Variants in ANK2 observed in about 807,000 individuals in gnomAD.
ANK2 encodes the protein ankyrin 2.
ANK2 carries 83 observed loss-of-function variants against 360.5 expected under a neutral mutation model. That is an observed-to-expected ratio of 0.23 (90% confidence interval 0.19 to 0.28). The LOEUF (loss-of-function observed/expected upper bound fraction) is 0.28, where lower values mean the gene tolerates loss of function less well. Among genes scored for constraint, ANK2 ranks in the 10% least tolerant of loss-of-function variants. ANK2 has a pLI of 1.00. For synonymous variants in ANK2, 1,740 were observed against 1,759.5 expected (o/e 0.99, Z 0.28); for missense variants, 4,201 against 4,795.7 (o/e 0.88, Z 3.66).
At chr4:113,052,443 C>T (rs1213939378) in intron 1 of ANK2, among the ~76,000 whole-genome samples, 2 of 152,150 alleles carry the variant, frequency 1.3e-5, no homozygotes, top group Admixed American at 1.3e-4. Context: ...ATGCGTCTAT[C>T]TCTAGTAAAT....
At chr4:113,007,524 C>T (rs983477778) in intron 2 of ANK2, among the ~76,000 whole-genome samples, 2 of 152,116 alleles carry the variant, frequency 1.3e-5, no homozygotes, top group Non-Finnish European at 2.9e-5. Context: ...TTCTCCCCAT[C>T]TCAGAAGAAA....
At chr4:113,323,235 C>T (rs76456008) in intron 26 of ANK2, among the ~76,000 whole-genome samples, 3,279 of 151,882 alleles carry the variant, frequency 0.022, 110 homozygotes, top group African/African-American at 0.075. Flanking sequence ...CTTTTTTTTG[C>T]GATACTCTAG....
At chr4:112,850,266 ATC>A (rs1274158653) in intron 1 of ANK2, among the ~76,000 whole-genome samples, 4 of 123,362 alleles carry the variant, frequency 3.2e-5, no homozygotes, top group Admixed American at 3.0e-4. Flanking sequence ...CTATCTATCT[ATC>A]TATCTATCTA....
At chr4:112,749,226 A>T in the ANK2 span, among the ~76,000 whole-genome samples, 1 of 152,160 alleles carries the variant, frequency 6.6e-6, no homozygotes, top group Non-Finnish European at 1.5e-5. Flanking sequence ...GTCATCTTTG[A>T]TCAAGCATGC....
At position 113,287,713 on chromosome 4, in the gene ANK2, A is replaced by T; in HGVS notation, c.2178+10A>T. The T allele has an allele frequency of 6.3e-7, 1 of 1,592,852 alleles. No homozygotes were observed. Among genetic ancestry groups the T allele is most frequent in the Non-Finnish European group, 8.6e-7 (1 of 1,161,138 alleles). ...GGATGCTCATACAAAGGTAAAGCAA[A>T]TCACTCTCAGTATTGTGACAGGTTC... On this transcript the variant is annotated intron_variant, in intron 19 of 45. Transcript: ENST00000357077.
At chr4:112,744,754 C>T in the ANK2 span, among the ~76,000 whole-genome samples, 1 of 152,324 alleles carries the variant, frequency 6.6e-6, no homozygotes, top group Middle Eastern at 3.4e-3. Flanking sequence ...AATTTGTATT[C>T]CCACTTACAG....
chr4:113,357,103 G>A lies in ANK2; in HGVS notation c.8485G>A (p.Val2829Ile). ...EKDTEGEELD[V>I]SRAESPQADC... Reference sequence around the variant, plus strand: ...AGACACAGAGGGAGAAGAGCTTGATGTTTCTAGAGCAGAATCTCCACAAGC... The same window carrying A: ...AGACACAGAGGGAGAAGAGCTTGATATTTCTAGAGCAGAATCTCCACAAGC... The change falls in exon 38 of 46, where the codon GTT becomes ATT. Residue 2829 changes from valine to isoleucine, a missense_variant. Val to Ile is a conservative substitution (Grantham distance 29, BLOSUM62 3). Transcript: ENST00000357077. The A allele has an allele frequency of 1.9e-6, 3 of 1,614,070 alleles. No individual in the cohort carries two copies. The highest frequency in any genetic ancestry group is 8.5e-7 in the Non-Finnish European group (1 of 1,179,968).
intron 4 of ANK2, among the ~76,000 whole-genome samples, chr4:113,224,740 A>G (rs1466563259): frequency 6.6e-6 from 1 of 152,188 alleles, no homozygotes; most frequent in African/African-American, 2.4e-5. Flanking sequence ...TATTTTAGAG[A>G]ATGTGAATTA....
At chr4:112,788,667 T>C in the ANK2 span, 8 of 1,601,026 alleles carry the variant, frequency 5.0e-6, no homozygotes, top group African/African-American at 1.3e-5. Context: ...CAGCCGCTTA[T>C]AGAGGATGGC....
rs946046079 is a variant in ANK2, at chr4:112,820,921, A to T, written c.-40+2657A>T. On this transcript the variant is annotated intron_variant, in intron 1 of 30. Coordinates refer to the ANK2 transcript ENST00000503271. ...CGGGATAATTTTTATTTATTTATTT[A>T]TTTTTTTGAGACCGAGTTTCACTCT... Among the ~76,000 whole-genome samples, 11 of 151,386 alleles carry T rather than the reference A, an allele frequency of 7.3e-5. No homozygotes were observed. In the East Asian group the frequency reaches 1.6e-3, roughly 22 times the overall value.
chr4:112,843,996 C>T (rs1314764815), intron 1 of ANK2, among the ~76,000 whole-genome samples: 1 of 152,062 alleles, frequency 6.6e-6, no homozygotes, highest in African/African-American at 2.4e-5. Flanking sequence ...TATATGCATA[C>T]AACAATTTTG....
At chr4:112,935,618 G>T (rs561246948) in intron 2 of ANK2, among the ~76,000 whole-genome samples, 1 of 149,716 alleles carries the variant, frequency 6.7e-6, no homozygotes, top group Admixed American at 6.6e-5. Flanking sequence ...GAGGCAGGTG[G>T]ATTGCTTTAG....
intron 1 of ANK2, among the ~76,000 whole-genome samples, chr4:113,116,657 A>G (rs1386276892): frequency 1.3e-5 from 2 of 152,252 alleles, no homozygotes; most frequent in Admixed American, 6.5e-5. Context: ...GTCATGTGCT[A>G]CAGCAGAGCA....
In ANK2 at chr4:113,359,180, C is replaced by T. The variant is rs766421377; in HGVS notation, c.10562C>T (p.Pro3521Leu). ...GTATCAGTAATTGAAAATCTGCCAC[C>T]TGTTGAGACCGAGCACTCAGTTCCT... ...LEVSVIENLPPVETEHSVPED... is the reference protein window; with the variant it reads ...LEVSVIENLPLVETEHSVPED... The change falls in exon 38 of 46, where the codon CCT (proline) becomes CTT (leucine). Residue 3521 changes from proline to leucine, a missense_variant. By Grantham distance (98) the Pro-to-Leu change is moderately conservative (BLOSUM62 -3). Transcript: ENST00000357077. 10 of 1,613,142 alleles carry T rather than the reference C, an allele frequency of 6.2e-6. No individual in the cohort carries two copies. Among genetic ancestry groups the T allele is most frequent in the Non-Finnish European group, 8.5e-6 (10 of 1,179,338 alleles).
chr4:113,282,647 G>A (rs1563401851), intron 17 of ANK2, 28 bp from the exon 18 acceptor site: 2 of 1,547,540 alleles, frequency 1.3e-6, no homozygotes, highest in South Asian at 2.3e-5. Context: ...TACTCTATAT[G>A]CATGTGTTTT....
At chr4:113,252,518 A>T (rs2047015989) in intron 10 of ANK2, among the ~76,000 whole-genome samples, 1 of 152,126 alleles carries the variant, frequency 6.6e-6, no homozygotes, top group Non-Finnish European at 1.5e-5. Flanking sequence ...AATGATCTTG[A>T]TTAGAGCAGT....
At chr4:113,313,792 G>GGGT (rs56865253) in intron 24 of ANK2, 3 of 150,494 alleles carry the variant, frequency 2.0e-5, no homozygotes, top group African/African-American at 7.4e-5. Context: ...CCGGGGCGGG[G>GGGT]GGTGAGGGGG....
At chr4:113,172,284 CT>C (rs146900985) in intron 1 of ANK2, among the ~76,000 whole-genome samples, 1 of 152,264 alleles carries the variant, frequency 6.6e-6, no homozygotes, top group Non-Finnish European at 1.5e-5. Context: ...AAAGGCATAA[CT>C]GGGGTTAATG....
intron 1 of ANK2, among the ~76,000 whole-genome samples, chr4:112,903,840 T>C (rs930180627): frequency 6.6e-6 from 1 of 152,220 alleles, no homozygotes; most frequent in Non-Finnish European, 1.5e-5. Flanking sequence ...ACGTAAACTT[T>C]ATGATGTTTA....
Sources: gnomAD v4.1 joint callset for allele counts (sites outside exome capture counted in the v4.1 genomes callset) on GRCh38, gnomAD v4.1.1 for gene constraint, MANE v1.5 for transcripts, NCBI Gene and HGNC (gene_info 2026-07-23, HGNC 2026-07-21) for gene names.